MAP4K4: variants seen among roughly 807,000 people sequenced by gnomAD.
MAP4K4 encodes HPK/GCK-like kinase HGK.
MAP4K4 carries 38 observed loss-of-function variants against 189.6 expected under a neutral mutation model. The ratio of observed to expected loss-of-function variants is 0.20; its 90% CI spans 0.15 to 0.26. MAP4K4 has a LOEUF of 0.26. Among genes scored for constraint, MAP4K4 ranks in the 10% least tolerant of loss-of-function variants. The pLI is 1.00. For synonymous variants in MAP4K4, 610 were observed against 624.3 expected (o/e 0.98, Z 0.34); for missense variants, 1,054 against 1,726.9 (o/e 0.61, Z 6.91).
chr2:101,752,236 C>A (rs1327650873), intron 2 of MAP4K4, among the ~76,000 whole-genome samples: 2 of 152,050 alleles, frequency 1.3e-5, no homozygotes, highest in African/African-American at 4.8e-5. Context: ...GAAGTCACAA[C>A]AAGGTAGTGA....
At chr2:101,808,507 G>T (rs751562187) in intron 3 of MAP4K4, among the ~76,000 whole-genome samples, 5 of 151,812 alleles carry the variant, frequency 3.3e-5, no homozygotes, top group Non-Finnish European at 7.4e-5. Flanking sequence ...AGGATGATAA[G>T]AAAATTAAAA....
chr2:101,810,743 C>G (rs899377493), intron 3 of MAP4K4, among the ~76,000 whole-genome samples: 1 of 152,134 alleles, frequency 6.6e-6, no homozygotes, highest in Non-Finnish European at 1.5e-5. Flanking sequence ...CTAAGACTTA[C>G]AGAACTTTAA....
At chr2:101,881,467 G>A (rs532819487) in intron 27 of MAP4K4, among the ~76,000 whole-genome samples, 1 of 152,090 alleles carries the variant, frequency 6.6e-6, no homozygotes, top group Non-Finnish European at 1.5e-5. Flanking sequence ...TGTCTTCTGT[G>A]AAGAAAGACA....
At chr2:101,821,051 A>G (rs12469922) in intron 3 of MAP4K4, among the ~76,000 whole-genome samples, 42,814 of 151,818 alleles carry the variant, frequency 0.28, 6,802 homozygotes, top group South Asian at 0.49. Flanking sequence ...GCTAGTCTAA[A>G]CACTGGTTTT....
chr2:101,769,425 A>G (rs1285252981), intron 2 of MAP4K4, among the ~76,000 whole-genome samples: 1 of 152,162 alleles, frequency 6.6e-6, no homozygotes, highest in Non-Finnish European at 1.5e-5. Flanking sequence ...AGAAGAAATA[A>G]GGTAAGGATA....
At chr2:101,812,126 G>T (rs926383085) in intron 3 of MAP4K4, among the ~76,000 whole-genome samples, 1 of 152,092 alleles carries the variant, frequency 6.6e-6, no homozygotes, top group Non-Finnish European at 1.5e-5. Flanking sequence ...TTATATTCAA[G>T]ATAGGTGTGT....
intron 8 of MAP4K4, among the ~76,000 whole-genome samples, chr2:101,835,581 A>G (rs1208158558): frequency 6.6e-6 from 1 of 152,234 alleles, no homozygotes; most frequent in Non-Finnish European, 1.5e-5. Flanking sequence ...ATGAAAATAC[A>G]ATCATTTTCA....
chr2:101,732,219 A>G (rs1316674432), intron 2 of MAP4K4, among the ~76,000 whole-genome samples: 1 of 152,168 alleles, frequency 6.6e-6, no homozygotes, highest in Non-Finnish European at 1.5e-5. Flanking sequence ...AACCCATACA[A>G]CCTTCCCTCA....
At chr2:101,849,551 A>C (rs2097213436) in intron 12 of MAP4K4, among the ~76,000 whole-genome samples, 1 of 150,148 alleles carries the variant, frequency 6.7e-6, no homozygotes. Flanking sequence ...TCTTCCATCT[A>C]GTATTTATTT....
chr2:101,799,513 A>G (rs758625120), intron 3 of MAP4K4, among the ~76,000 whole-genome samples: 4 of 151,270 alleles, frequency 2.6e-5, no homozygotes, highest in Non-Finnish European at 4.4e-5. Flanking sequence ...GGTTACAGCC[A>G]TCACTGTTTG....
At chr2:101,731,415 C>T (rs1012252855) in intron 2 of MAP4K4, among the ~76,000 whole-genome samples, 1 of 151,936 alleles carries the variant, frequency 6.6e-6, no homozygotes, top group Non-Finnish European at 1.5e-5. Flanking sequence ...TGCCCCTGGC[C>T]GACAGTAATT....
At chr2:101,845,648 T>G (rs1036402364) in intron 12 of MAP4K4, among the ~76,000 whole-genome samples, 5 of 152,198 alleles carry the variant, frequency 3.3e-5, no homozygotes, top group South Asian at 2.1e-4. Flanking sequence ...GGTAAAAATA[T>G]GATATTATAA....
chr2:101,751,075 T>C (rs1269328528), intron 2 of MAP4K4, among the ~76,000 whole-genome samples: 1 of 152,192 alleles, frequency 6.6e-6, no homozygotes, highest in Non-Finnish European at 1.5e-5. Flanking sequence ...GGGGGGTGTA[T>C]GTGCCGCTTC....
intron 2 of MAP4K4, among the ~76,000 whole-genome samples, chr2:101,765,270 AG>A (rs1042852227): frequency 1.3e-5 from 2 of 152,182 alleles, no homozygotes; most frequent in Non-Finnish European, 2.9e-5. Flanking sequence ...GGGTAATACA[AG>A]GATTGTTGTT....
At chr2:101,775,085 G>T (rs949624209) in intron 2 of MAP4K4, among the ~76,000 whole-genome samples, 2 of 144,734 alleles carry the variant, frequency 1.4e-5, no homozygotes, top group Admixed American at 7.0e-5. Flanking sequence ...GTAGGCATTC[G>T]TGGATTTTGT....
intron 2 of MAP4K4, among the ~76,000 whole-genome samples, chr2:101,769,878 G>A (rs1054344636): frequency 2.0e-5 from 3 of 152,030 alleles, no homozygotes; most frequent in Non-Finnish European, 4.4e-5. Context: ...CACTGTGCCC[G>A]GCCCAGAAAT....
intron 5 of MAP4K4, among the ~76,000 whole-genome samples, chr2:101,827,079 A>G (rs2096395544): frequency 6.6e-6 from 1 of 152,170 alleles, no homozygotes; most frequent in Non-Finnish European, 1.5e-5. Context: ...TACCCAGGCA[A>G]GCATTGTTTA....
chr2:101,716,052 A>G (rs1429097848), intron 2 of MAP4K4, among the ~76,000 whole-genome samples: 1 of 152,170 alleles, frequency 6.6e-6, no homozygotes, highest in Non-Finnish European at 1.5e-5. Context: ...GCCTACCTTC[A>G]TGGAAAAAGT....
chr2:101,745,110 T>C (rs1331405847), intron 2 of MAP4K4, among the ~76,000 whole-genome samples: 1 of 152,134 alleles, frequency 6.6e-6, no homozygotes, highest in Non-Finnish European at 1.5e-5. Context: ...AATGATGACG[T>C]TGGGACTTGA....
Sources: allele counts gnomAD v4.1 joint callset (sites outside exome capture counted in the v4.1 genomes callset), GRCh38; gene constraint gnomAD v4.1.1; transcripts MANE v1.5; gene names NCBI Gene and HGNC (gene_info 2026-07-23, HGNC 2026-07-21).